Variants in NFXL1 observed in about 807,000 individuals in gnomAD.
The protein encoded by NFXL1 is nuclear transcription factor, X-box binding like 1, also known as NF-X1-type zinc finger protein NFXL1.
Under a neutral mutation model 123.3 loss-of-function variants are expected in NFXL1, and 66 were observed. The ratio of observed to expected loss-of-function variants is 0.54; its 90% CI spans 0.44 to 0.66. NFXL1 has a LOEUF of 0.66. Ranked by LOEUF, NFXL1 falls within the 30% of genes least tolerant of loss-of-function variation. The pLI, the probability that NFXL1 is intolerant of heterozygous loss-of-function variation, is 0.00. For synonymous variants in NFXL1, 346 were observed against 360.8 expected (o/e 0.96, Z 0.46); for missense variants, 944 against 1,125.6 (o/e 0.84, Z 2.31).
In NFXL1 at chr4:47,905,426, T is replaced by A. The variant is rs146511564; in HGVS notation, c.407-80A>T. On this transcript the variant is annotated intron_variant, in intron 3 of 22. Transcript: ENST00000507489. ...AACTCACTAATAGCACCATATTATGTAAGAACTGTCTAGCAATATCAATTG... is the reference window on the plus strand; with the variant it reads ...AACTCACTAATAGCACCATATTATGAAAGAACTGTCTAGCAATATCAATTG... 109 of 703,222 alleles carry A rather than the reference T, an allele frequency of 1.6e-4. No individual in the cohort carries two copies. In the African/African-American group the frequency reaches 1.8e-3, roughly 12 times the overall value. 43.6% of individuals were successfully genotyped at this position (703,222 alleles called of 1,614,324 possible).
At chr4:47,908,841 G>C (rs1337000378) in intron 3 of NFXL1, among the ~76,000 whole-genome samples, 1 of 151,410 alleles carries the variant, frequency 6.6e-6, no homozygotes, top group African/African-American at 2.4e-5. Context: ...TGTAGTCCCA[G>C]CTACTCGGGA....
rs1159417111 is a variant in NFXL1, at chr4:47,848,291, T to C, written c.2608A>G (p.Lys870Glu). Residue 870 changes from lysine (K) to glutamate (E), a missense_variant, in exon 23 of 23, where the codon AAG (lysine) becomes GAG (glutamate). Physicochemically the swap from Lys to Glu is moderately conservative, Grantham distance 56. Coordinates refer to ENST00000507489, the MANE Select transcript of NFXL1 (RefSeq NM_001278624.2). ...GCCACTTCATCTCTTTTCCTGTTCT[T>C]CTTCCGACGACCCTTCAGTCTGTTT... Reference protein sequence around the residue: ...FENRLKGRRKKNRKRDEVAVE... With the variant: ...FENRLKGRRKENRKRDEVAVE... 1.9e-6 allele frequency: 3 copies of C among 1,612,868 alleles called. No individual in the cohort carries two copies. Among genetic ancestry groups the C allele is most frequent in the Non-Finnish European group, 2.5e-6 (3 of 1,179,318 alleles).
At chr4:47,883,166 A>T (rs576468151) in intron 15 of NFXL1, among the ~76,000 whole-genome samples, 86 of 152,054 alleles carry the variant, frequency 5.7e-4, no homozygotes, top group African/African-American at 2.1e-3. Flanking sequence ...TACATCTTGA[A>T]CCTGGAAAGA....
chr4:47,884,584 T>C, intron 14 of NFXL1, 147 bp from the exon 15 acceptor site: 1 of 543,956 alleles, frequency 1.8e-6, no homozygotes, highest in Non-Finnish European at 3.4e-6. Context: ...TACTGAAATA[T>C]TTCATTTTAT....
At chr4:47,887,179 C>G (rs951575551) in intron 12 of NFXL1, among the ~76,000 whole-genome samples, 128 of 152,284 alleles carry the variant, frequency 8.4e-4, no homozygotes, top group African/African-American at 3.0e-3. Flanking sequence ...GGGCTTTCTT[C>G]CACTCTAGTT....
intron 18 of NFXL1, among the ~76,000 whole-genome samples, chr4:47,865,878 C>T (rs1735034652): frequency 6.6e-6 from 1 of 151,888 alleles, no homozygotes; most frequent in African/African-American, 2.4e-5. Flanking sequence ...TAGCCTGGTG[C>T]GATGGTGTGC....
At chr4:47,859,408 G>A (rs921361585) in intron 19 of NFXL1, among the ~76,000 whole-genome samples, 3 of 152,130 alleles carry the variant, frequency 2.0e-5, no homozygotes, top group Non-Finnish European at 4.4e-5. Context: ...ATAATACTCA[G>A]CACTCTGAAG....
In NFXL1 at chr4:47,884,566, A is replaced by G. The variant is rs1736313644; in HGVS notation, c.1825-129T>C. 10 of 560,114 alleles carry G rather than the reference A, an allele frequency of 1.8e-5. No individual in the cohort carries two copies. In the Admixed American group the frequency reaches 2.3e-4, roughly 13 times the overall value. The allele number at this position is 560,114 out of a possible 1,614,324, so 34.7% of individuals were successfully genotyped here. On this transcript the variant is annotated intron_variant, in intron 14 of 22. Transcript: ENST00000507489. ...TGAAATTTTTTCAAATAATCAATAA[A>G]TTGTGCTTACTGAAATATTTCATTT...
rs1733918088 is a variant in NFXL1, at chr4:47,848,164, T to A, written c.2735A>T (p.Ter912LeuextTer4). Residue 912 changes from the stop codon to leucine (L), a stop_lost, in exon 23 of 23, where the codon TAA becomes TTA. Coordinates refer to ENST00000507489, the MANE Select transcript of NFXL1 (RefSeq NM_001278624.2). ...TACATTAAAAGATCAAAACTTTTTT[T>A]AATTGACATCATGGGTGATGTACCA... The part of the protein sequence containing the change: ...FAWYITHDVN[*>L] 2 of 1,550,476 alleles carry A rather than the reference T, an allele frequency of 1.3e-6. No homozygotes were observed. Among genetic ancestry groups the A allele is most frequent in the African/African-American group, 1.4e-5 (1 of 72,838 alleles).
At chr4:47,910,719 T>A in intron 3 of NFXL1, 105 bp downstream of exon 3, 1 of 623,920 alleles carries the variant, frequency 1.6e-6, no homozygotes. Context: ...ACAGTGCTCA[T>A]CTTAAGATAT....
chr4:47,904,745 A>G (rs376915077), intron 4 of NFXL1, among the ~76,000 whole-genome samples: 15 of 152,292 alleles, frequency 9.8e-5, no homozygotes, highest in African/African-American at 3.6e-4. Context: ...CTTTATCACT[A>G]CGCCATATCT....
At chr4:47,877,716 T>C (rs752969691) in intron 17 of NFXL1, among the ~76,000 whole-genome samples, 2 of 152,188 alleles carry the variant, frequency 1.3e-5, no homozygotes, top group Admixed American at 6.5e-5. Context: ...TATGTTGTCA[T>C]GTATTATAAA....
At chr4:47,849,007 C>T (rs985963783) in intron 22 of NFXL1, among the ~76,000 whole-genome samples, 3 of 152,118 alleles carry the variant, frequency 2.0e-5, no homozygotes, top group Middle Eastern at 3.2e-3. Flanking sequence ...TATTATAGAA[C>T]CAGCATTCTA....
chr4:47,873,986 T>C (rs1348030485), intron 18 of NFXL1, among the ~76,000 whole-genome samples: 1 of 152,242 alleles, frequency 6.6e-6, no homozygotes, highest in East Asian at 1.9e-4. Flanking sequence ...AGATGGCTTC[T>C]TCCCTAAACC....
At chr4:47,859,841 C>CAAAA (rs938207203) in intron 19 of NFXL1, among the ~76,000 whole-genome samples, 62 of 14,252 alleles carry the variant, frequency 4.4e-3, no homozygotes, top group East Asian at 0.016. Flanking sequence ...GACTCCATCT[C>CAAAA]AAAAAAAAAA....
Position 47,848,220 on chromosome 4 carries a change from T to A in NFXL1, c.2679A>T (p.Ser893=). ...LWQKHKYYLI[S]VCGVVVVVFA... ...ACACTACAACCACAACTCCACACAC[T>A]GAAATGAGATAATATTTATGTTTTT... The change falls in exon 23 of 23, where the codon TCA becomes TCT. Residue 893 remains serine (S), a synonymous_variant. Transcript: ENST00000507489. 6.2e-7 allele frequency: 1 copy of A among 1,612,932 alleles called. No individual in the cohort carries two copies. Among genetic ancestry groups the A allele is most frequent in the Non-Finnish European group, 8.5e-7 (1 of 1,179,214 alleles).
At chr4:47,867,066 T>G (rs1426518366) in intron 18 of NFXL1, among the ~76,000 whole-genome samples, 1 of 152,182 alleles carries the variant, frequency 6.6e-6, no homozygotes, top group Non-Finnish European at 1.5e-5. Context: ...TCCTACCCTT[T>G]TGCTGTAATA....
At chr4:47,892,460 T>A (rs1021197893) in intron 11 of NFXL1, among the ~76,000 whole-genome samples, 1 of 152,094 alleles carries the variant, frequency 6.6e-6, no homozygotes, top group African/African-American at 2.4e-5. Flanking sequence ...TGTATGTGTG[T>A]GAGAGGAAAC....
intron 18 of NFXL1, among the ~76,000 whole-genome samples, chr4:47,873,817 A>G (rs1385952556): frequency 1.3e-5 from 2 of 152,202 alleles, no homozygotes; most frequent in Non-Finnish European, 2.9e-5. Context: ...AAAGTCCTAG[A>G]TAGCATTTTC....
Sources: allele counts gnomAD v4.1 joint callset (sites outside exome capture counted in the v4.1 genomes callset), GRCh38; gene constraint gnomAD v4.1.1; transcripts MANE v1.5; gene names NCBI Gene and HGNC (gene_info 2026-07-23, HGNC 2026-07-21).